The following NRXN3 variants were observed in gnomAD, a reference collection of about 807,000 sequenced individuals.
NRXN3 encodes the protein neurexin III.
A neutral mutation model predicts 137.6 loss-of-function variants in NRXN3; 32 were observed. The ratio of observed to expected loss-of-function variants is 0.23; its 90% CI spans 0.18 to 0.31. NRXN3 has a LOEUF of 0.31. NRXN3 is among the 10% of genes least tolerant of loss of function. NRXN3 has a pLI of 1.00. For missense variants in NRXN3, 1,574 were observed against 2,062.5 expected (o/e 0.76, Z 4.59); for synonymous variants, 798 against 784.5 (o/e 1.02, Z -0.29).
chr14:79,347,783 A>G (rs2092971188), intron 15 of NRXN3, among the ~76,000 whole-genome samples: 1 of 152,136 alleles, frequency 6.6e-6, no homozygotes, highest in African/African-American at 2.4e-5. Context: ...TGCTGATAGG[A>G]AAAGGTGATG....
At chr14:79,119,137 T>G (rs1206299729) in intron 15 of NRXN3, among the ~76,000 whole-genome samples, 1 of 152,230 alleles carries the variant, frequency 6.6e-6, no homozygotes, top group Non-Finnish European at 1.5e-5. Flanking sequence ...ATGGGTGATT[T>G]CTCATAACAT....
At chr14:78,785,099 GATAAA>G (rs1250010063) in intron 8 of NRXN3, among the ~76,000 whole-genome samples, 1 of 152,158 alleles carries the variant, frequency 6.6e-6, no homozygotes, top group African/African-American at 2.4e-5. Context: ...AAGAGAAAAA[GATAAA>G]ATGAACAGAA....
chr14:79,795,453 T>C (rs1436581312), intron 19 of NRXN3, among the ~76,000 whole-genome samples: 2 of 152,178 alleles, frequency 1.3e-5, no homozygotes, highest in Non-Finnish European at 2.9e-5. Context: ...TGGTATTTCC[T>C]TCTAGGCATG....
intron 20 of NRXN3, among the ~76,000 whole-genome samples, chr14:79,826,190 G>A (rs981637089): frequency 2.0e-5 from 3 of 152,004 alleles, no homozygotes; most frequent in Admixed American, 6.6e-5. Flanking sequence ...GAGGGGTTTC[G>A]CCATAGTGGC....
chr14:78,819,242 CA>C (rs1330902684), intron 10 of NRXN3, among the ~76,000 whole-genome samples: 1 of 152,078 alleles, frequency 6.6e-6, no homozygotes, highest in African/African-American at 2.4e-5. Flanking sequence ...TTGCTATAGT[CA>C]GATATACAAG....
chr14:79,132,536 T>A (rs2057686205), intron 15 of NRXN3, among the ~76,000 whole-genome samples: 1 of 152,224 alleles, frequency 6.6e-6, no homozygotes, highest in Non-Finnish European at 1.5e-5. Context: ...TTCTCCTTTT[T>A]TGGGGTGGCT....
In NRXN3 at chr14:79,361,996, A is replaced by AATAATTATT. The variant is rs373762391; in HGVS notation, c.3263-105223_3263-105222insAATTATTAT. 7.7e-5 allele frequency among the ~76,000 whole-genome samples: 11 copies of AATAATTATT among 142,104 alleles called. No individual in the cohort carries two copies. The South Asian group carries it at 1.4e-3, about 17-fold the overall frequency. 93.2% of individuals were successfully genotyped at this position (142,104 alleles called of 152,430 possible). ...TTTACGCTATTCATTCTACTTTTATAATTATTATTATTATTATTATTATTA... is the reference window on the plus strand; with the variant it reads ...TTTACGCTATTCATTCTACTTTTATAATAATTATTATTATTATTATTATTATTATTATTA... On this transcript the variant is annotated intron_variant, in intron 15 of 20. Transcript: ENST00000335750.
chr14:79,081,316 A>C (rs1440139338), intron 15 of NRXN3, among the ~76,000 whole-genome samples: 1 of 152,208 alleles, frequency 6.6e-6, no homozygotes, highest in African/African-American at 2.4e-5. Flanking sequence ...ACAGAGTGAG[A>C]AAAGATATGA....
At chr14:78,364,509 C>A (rs1263993971) in intron 4 of NRXN3, among the ~76,000 whole-genome samples, 1 of 152,106 alleles carries the variant, frequency 6.6e-6, no homozygotes, top group Non-Finnish European at 1.5e-5. Context: ...TATATTTTTA[C>A]CTATTTTTAT....
chr14:79,694,786 A>G (rs2098729113), intron 18 of NRXN3, among the ~76,000 whole-genome samples: 1 of 151,934 alleles, frequency 6.6e-6, no homozygotes, highest in Admixed American at 6.6e-5. Context: ...AGAGTGCTCT[A>G]CTGTTCCTTT....
chr14:79,741,055 A>G lies in NRXN3; in HGVS notation c.4014+43118A>G, dbSNP rs563854873. ...AAGGTTAGAGAGGATCCACTATATT[A>G]AATTCTTATATATCCCTCAGTAGAT... On this transcript the variant is annotated intron_variant, in intron 19 of 20. Transcript: ENST00000335750. Among the ~76,000 whole-genome samples, 236 of 152,132 alleles carry G rather than the reference A, an allele frequency of 1.6e-3. 2 individuals carry two copies. Among genetic ancestry groups the G allele is most frequent in the Non-Finnish European group, 2.7e-3 (182 of 67,992 alleles).
intron 10 of NRXN3, among the ~76,000 whole-genome samples, chr14:78,910,966 A>C: frequency 6.6e-6 from 1 of 152,170 alleles, no homozygotes; most frequent in East Asian, 1.9e-4. Flanking sequence ...CCAGAACCTG[A>C]ATTTATCCTC....
chr14:79,201,700 G>A (rs993118024), intron 15 of NRXN3: 1 of 152,226 alleles, frequency 6.6e-6, no homozygotes, highest in Non-Finnish European at 1.5e-5. Flanking sequence ...GTTCCAAGGG[G>A]AAGTTAAGTA....
chr14:79,306,418 G>A (rs1170248853), intron 15 of NRXN3, among the ~76,000 whole-genome samples: 1 of 151,870 alleles, frequency 6.6e-6, no homozygotes, highest in Non-Finnish European at 1.5e-5. Flanking sequence ...TTAAATTAAG[G>A]GAAATGCCAT....
intron 15 of NRXN3, among the ~76,000 whole-genome samples, chr14:79,319,387 T>G (rs1232834244): frequency 6.6e-6 from 1 of 152,198 alleles, no homozygotes; most frequent in Non-Finnish European, 1.5e-5. Flanking sequence ...ATTTAAACAC[T>G]GATCAAAGGC....
chr14:79,262,841 C>CACT (rs1455582404), intron 15 of NRXN3, among the ~76,000 whole-genome samples: 1 of 152,142 alleles, frequency 6.6e-6, no homozygotes, highest in Non-Finnish European at 1.5e-5. Flanking sequence ...TGGATAGCAA[C>CACT]ACTGATAGGT....
intron 4 of NRXN3, among the ~76,000 whole-genome samples, chr14:78,440,189 C>T (rs556408450): frequency 2.6e-5 from 4 of 152,320 alleles, no homozygotes; most frequent in Admixed American, 2.6e-4. Context: ...GCTAATGAGA[C>T]AGTTAATCAT....
At chr14:78,988,332 C>T in intron 15 of NRXN3, 191 bp downstream of exon 15, 1 of 644,256 alleles carries the variant, frequency 1.6e-6, no homozygotes, top group Non-Finnish European at 2.7e-6. Flanking sequence ...CTTAACAACA[C>T]TAAATATTCT....
rs547761493 is a variant in NRXN3, at chr14:78,449,286, C to T, written c.757+151426C>T. 7.2e-5 allele frequency among the ~76,000 whole-genome samples: 11 copies of T among 152,320 alleles called. No individual in the cohort carries two copies. The South Asian group carries it at 2.3e-3, about 32-fold the overall frequency. ...GGAATATCGTGGCGCGATCTTGGCT[C>T]ACCGTAACCTCCGCCTTTCAGGCTC... On this transcript the variant is annotated intron_variant, in intron 4 of 20. Coordinates refer to ENST00000335750, the MANE Select transcript of NRXN3 (RefSeq NM_001330195.2).
Sources: gnomAD v4.1 joint callset for allele counts (sites outside exome capture counted in the v4.1 genomes callset) on GRCh38, gnomAD v4.1.1 for gene constraint, MANE v1.5 for transcripts, NCBI Gene and HGNC (gene_info 2026-07-23, HGNC 2026-07-21) for gene names.